F7: variants seen among roughly 807,000 people sequenced by gnomAD.
F7 encodes FVII coagulation protein.
F7 carries 38 observed loss-of-function variants against 47.5 expected under a neutral mutation model. That is an observed-to-expected ratio of 0.80 (90% CI 0.62 to 1.05). F7 has a LOEUF of 1.05. F7 is among the 50% of genes least tolerant of loss of function. The probability of loss-of-function intolerance (pLI) is 0.00; values close to 1 mark genes in which losing one functional copy is unlikely to be tolerated. For synonymous variants in F7, 244 were observed against 258.5 expected, an observed-to-expected ratio of 0.94 and a Z score of 0.54; for missense variants, 575 against 605.4, an observed-to-expected ratio of 0.95 and a Z score of 0.53.
intron 5 of F7, among the ~76,000 whole-genome samples, chr13:113,116,506 G>C (rs2036194479): frequency 6.6e-6 from 1 of 152,238 alleles, no homozygotes; most frequent in Admixed American, 6.5e-5. Flanking sequence ...TAAGCCCTCT[G>C]TTTCCTCCAA....
rs369779184 is a variant in F7, at chr13:113,110,684, T to C, written c.65-6T>C. 1.3e-4 allele frequency: 208 copies of C among 1,548,008 alleles called. No homozygotes were observed. Among genetic ancestry groups the C allele is most frequent in the Non-Finnish European group, 1.7e-4 (194 of 1,146,418 alleles). ...GTGGGCGCTTCACGGAACTCGCATT[T>C]CCCAGTCTTCGTAACCCAGGAGGAA... On this transcript the variant is annotated splice_polypyrimidine_tract_variant and splice_region_variant and intron_variant, in intron 1 of 7. Transcript: ENST00000346342.
chr13:113,107,951 G>T (rs2036001124), intron 1 of F7, among the ~76,000 whole-genome samples: 1 of 78,294 alleles, frequency 1.3e-5, no homozygotes, highest in Non-Finnish European at 2.7e-5. Context: ...TGGGTGTCCC[G>T]GGGGCGTGGG....
chr13:113,113,930 C>T lies in F7; in HGVS notation c.334C>T (p.Pro112Ser). Residue 112 changes from proline (P) to serine (S), a missense_variant, in exon 4 of 8, where the codon CCT becomes TCT. By Grantham distance (74) the Pro-to-Ser change is moderately conservative. Coordinates refer to ENST00000346342, the MANE Select transcript of F7 (RefSeq NM_019616.4). This position sits in a 1 kb window ranked among gnomAD's most constrained non-coding sequence, Gnocchi z 4.1. ...CCAGTCCTATATCTGCTTCTGCCTC[C>T]CTGCCTTCGAGGGCCGGAACTGTGA... ...QLQSYICFCL[P>S]AFEGRNCETH... 1 of 1,614,134 alleles carries T rather than the reference C, an allele frequency of 6.2e-7. No individual in the cohort carries two copies. The highest frequency in any genetic ancestry group is 8.5e-7 in the Non-Finnish European group (1 of 1,180,044).
At chr13:113,109,176 CAGAAGT>C (rs2036038927) in intron 1 of F7, among the ~76,000 whole-genome samples, 4 of 128,526 alleles carry the variant, frequency 3.1e-5, no homozygotes, top group African/African-American at 1.2e-4. Flanking sequence ...GTGGGTATCC[CAGAAGT>C]GTGAGTGTCC....
Position 113,105,836 on chromosome 13 carries a change from T to G in F7, c.-6T>G. 1 of 1,584,696 alleles carries G rather than the reference T, an allele frequency of 6.3e-7. No individual in the cohort carries two copies. Among genetic ancestry groups the G allele is most frequent in the Non-Finnish European group, 8.6e-7 (1 of 1,165,874 alleles). On this transcript the variant is annotated 5_prime_UTR_variant, in exon 1 of 8. In the 5' UTR this introduces an upstream ATG that the reference lacks. Coordinates refer to ENST00000346342, the MANE Select transcript of F7 (RefSeq NM_019616.4). ...CAGGCAGGGGCAGCACTGCAGAGATTTCATCATGGTCTCCCAGGCCCTCAG... is the reference window on the plus strand; with the variant it reads ...CAGGCAGGGGCAGCACTGCAGAGATGTCATCATGGTCTCCCAGGCCCTCAG...
chr13:113,114,037 CAGG>C, intron 4 of F7, 77 bp downstream of exon 4: 4 of 1,500,804 alleles, frequency 2.7e-6, no homozygotes, highest in Non-Finnish European at 3.7e-6. Context: ...AACCGGGCTG[CAGG>C]GTGCACAACC....
chr13:113,116,323 C>A (rs540446101), intron 5 of F7, among the ~76,000 whole-genome samples: 35 of 152,352 alleles, frequency 2.3e-4, no homozygotes, highest in Admixed American at 9.8e-4. Flanking sequence ...CAGCCTGCCA[C>A]CTCCTCGGGC....
intron 6 of F7, chr13:113,117,133 G>T: frequency 1.6e-6 from 1 of 612,796 alleles, no homozygotes; most frequent in African/African-American, 1.8e-5. Context: ...TTGTCACGTC[G>T]TCCTCACGGT....
chr13:113,115,415 T>A (rs567769445), intron 4 of F7, among the ~76,000 whole-genome samples: 4 of 152,256 alleles, frequency 2.6e-5, no homozygotes, highest in African/African-American at 9.6e-5. Flanking sequence ...ACCCCCCAAA[T>A]GCAACCGCAG....
At chr13:113,108,769 G>A (rs1286744033) in intron 1 of F7, among the ~76,000 whole-genome samples, 11 of 107,690 alleles carry the variant, frequency 1.0e-4, no homozygotes, top group African/African-American at 2.8e-4. Context: ...AGGGTGTCCC[G>A]GGAGTGTGGG....
At chr13:113,110,615 C>T in intron 1 of F7, 75 bp from the exon 2 acceptor site, 1 of 1,536,866 alleles carries the variant, frequency 6.5e-7, no homozygotes, top group Non-Finnish European at 8.8e-7. Flanking sequence ...GCCCCCGCCG[C>T]GTGGGCCGTG....
At chr13:113,108,959 A>G (rs1433886621) in intron 1 of F7, among the ~76,000 whole-genome samples, 3 of 24,226 alleles carry the variant, frequency 1.2e-4, no homozygotes, top group Admixed American at 4.5e-4. Flanking sequence ...GTGTCCCGGG[A>G]GCGTGGGTGT....
At chr13:113,111,321 G>A (rs541898244) in intron 2 of F7, among the ~76,000 whole-genome samples, 83 of 151,974 alleles carry the variant, frequency 5.5e-4, no homozygotes, top group African/African-American at 1.9e-3. Context: ...TCCAGCTCAC[G>A]CTCACGGGTC....
chr13:113,106,845 G>A (rs747488180), intron 1 of F7: 22 of 1,599,220 alleles, frequency 1.4e-5, no homozygotes, highest in Non-Finnish European at 1.8e-5. Context: ...CCTGCCCCAG[G>A]CGGGGTCGCT....
In F7 at chr13:113,105,818, G is replaced by A. The variant is rs1004946471; in HGVS notation, c.-24G>A. 1 of 1,575,766 alleles carries A rather than the reference G, an allele frequency of 6.3e-7. No individual in the cohort carries two copies. Among genetic ancestry groups the A allele is most frequent in the Non-Finnish European group, 8.6e-7 (1 of 1,160,642 alleles). Reference sequence around the variant, plus strand: ...TCCCATGGGGAATGTCAACAGGCAGGGGCAGCACTGCAGAGATTTCATCAT... The same window carrying A: ...TCCCATGGGGAATGTCAACAGGCAGAGGCAGCACTGCAGAGATTTCATCAT... On this transcript the variant is annotated 5_prime_UTR_variant, in exon 1 of 8. Transcript: ENST00000346342.
chr13:113,106,707 G>C (rs2035967092), intron 1 of F7: 6 of 745,024 alleles, frequency 8.1e-6, no homozygotes, highest in Admixed American at 6.5e-5. Flanking sequence ...TGTGGCGTGA[G>C]GATGGCTAGT....
At chr13:113,106,901 C>A in intron 1 of F7, 1 of 1,605,026 alleles carries the variant, frequency 6.2e-7, no homozygotes, top group Non-Finnish European at 8.5e-7. Flanking sequence ...GAAGCCGGGG[C>A]CTCACAGAGG....
At position 113,116,913 on chromosome 13, in the gene F7, G is replaced by A. The variant is rs778167436; in HGVS notation, c.615+38G>A. 1.6e-5 allele frequency: 24 copies of A among 1,503,562 alleles called. No homozygotes were observed. In the Middle Eastern group the frequency reaches 1.0e-3, roughly 64 times the overall value. 93.1% of individuals were successfully genotyped at this position (1,503,562 alleles called of 1,614,324 possible). On this transcript the variant is annotated intron_variant, in intron 6 of 7. Transcript: ENST00000346342. Reference sequence around the variant, plus strand: ...CTGGCTTCAGGATTCCAAGCCCTGAGGGTCTTGAAGCCTTTTGAATGTGAA... The same window carrying A: ...CTGGCTTCAGGATTCCAAGCCCTGAAGGTCTTGAAGCCTTTTGAATGTGAA...
intron 5 of F7, 121 bp downstream of exon 5, chr13:113,115,921 G>A: frequency 7.2e-7 from 1 of 1,395,832 alleles, no homozygotes; most frequent in Non-Finnish European, 9.9e-7. Flanking sequence ...ACTATGCACT[G>A]ACCAATTGTG....
Sources: allele counts gnomAD v4.1 joint callset (sites outside exome capture counted in the v4.1 genomes callset), GRCh38; gene constraint gnomAD v4.1.1; non-coding constraint Gnocchi (gnomAD v3.1); transcripts MANE v1.5; gene names NCBI Gene and HGNC (gene_info 2026-07-23, HGNC 2026-07-21).